PPP1R7: variants seen among roughly 807,000 people sequenced by gnomAD.
PPP1R7 encodes the protein protein phosphatase 1 regulatory subunit 7, also known as protein phosphatase 1 regulatory subunit 22.
PPP1R7 carries 18 observed loss-of-function variants against 45.2 expected under a neutral mutation model. The observed-to-expected ratio is 0.40, with a 90% CI of 0.28 to 0.59. The LOEUF (loss-of-function observed/expected upper bound fraction) is 0.59. Among genes scored for constraint, PPP1R7 ranks in the 20% least tolerant of loss-of-function variants. The pLI, the probability that PPP1R7 is intolerant of heterozygous loss-of-function variation, is 0.46. For synonymous variants in PPP1R7, 181 were observed against 183.4 expected (o/e 0.99, Z 0.11); for missense variants, 314 against 455.8 (o/e 0.69, Z 2.83).
At chr2:241,160,736 G>A (rs1235817102) in intron 6 of PPP1R7, among the ~76,000 whole-genome samples, 1 of 152,224 alleles carries the variant, frequency 6.6e-6, no homozygotes, top group East Asian at 1.9e-4. Flanking sequence ...TCTTCATCCA[G>A]ATCATGACCC....
intron 9 of PPP1R7, among the ~76,000 whole-genome samples, chr2:241,175,163 C>A (rs1574730161): frequency 6.6e-6 from 1 of 152,150 alleles, no homozygotes; most frequent in African/African-American, 2.4e-5. Context: ...CTCCCAATTT[C>A]TTTATTGTGG....
At chr2:241,156,450 C>A (rs1372078924) in intron 2 of PPP1R7, among the ~76,000 whole-genome samples, 1 of 152,192 alleles carries the variant, frequency 6.6e-6, no homozygotes, top group Non-Finnish European at 1.5e-5. Context: ...GTGGGAGGAT[C>A]ACTTGAGGCT....
chr2:241,158,489 T>G lies in PPP1R7; in HGVS notation c.243T>G (p.Val81=). 1 of 1,614,056 alleles carries G rather than the reference T, an allele frequency of 6.2e-7. No individual in the cohort carries two copies. The highest frequency in any genetic ancestry group is 8.5e-7 in the Non-Finnish European group (1 of 1,179,912). Reference sequence around the variant, plus strand: ...AGATTTCTGCTTTGTTTCAGGATGTTGATTTGAATCACTATCGCATAGGGA... The same window carrying G: ...AGATTTCTGCTTTGTTTCAGGATGTGGATTTGAATCACTATCGCATAGGGA... ...TINLDRDAED[V]DLNHYRIGKI... is the part of the protein sequence containing the mutation. The change falls in exon 4 of 10, where the codon GTT becomes GTG. Residue 81 remains valine (V), a synonymous_variant. Coordinates refer to ENST00000234038, the MANE Select transcript of PPP1R7 (RefSeq NM_002712.3).
chr2:241,160,518 G>C, intron 6 of PPP1R7, 24 bp downstream of exon 6: 1 of 1,553,400 alleles, frequency 6.4e-7, no homozygotes, highest in Non-Finnish European at 8.7e-7. Flanking sequence ...GCCCTGACTA[G>C]TATATTCAGG....
intron 7 of PPP1R7, 75 bp downstream of exon 7, chr2:241,163,476 T>C: frequency 2.0e-6 from 2 of 1,001,388 alleles, no homozygotes; most frequent in Non-Finnish European, 3.1e-6. Flanking sequence ...TCTTAGTTTT[T>C]ATCCTTCACT....
At position 241,150,548 on chromosome 2, in the gene PPP1R7, G is replaced by C. The variant is rs1352547974; in HGVS notation, c.52+1G>C. On this transcript the variant is annotated splice_donor_variant, in intron 1 of 9. Transcript: ENST00000234038. LOFTEE classifies it high-confidence loss of function. ...CAACAGTCGCAGGAGATGATGGAGG[G>C]TGAGCGGCCCCTGCGGGCGGCGGCC... 6.3e-7 allele frequency: 1 copy of C among 1,593,244 alleles called. No homozygotes were observed. The highest frequency in any genetic ancestry group is 1.4e-5 in the African/African-American group (1 of 72,512).
intron 1 of PPP1R7, among the ~76,000 whole-genome samples, chr2:241,153,120 C>A (rs997165985): frequency 6.6e-5 from 10 of 152,188 alleles, no homozygotes; most frequent in Admixed American, 1.3e-4. Flanking sequence ...ATCCCCCAGC[C>A]CAAAAGTGAA....
At chr2:241,181,030 C>T (rs112831396) in intron 9 of PPP1R7, among the ~76,000 whole-genome samples, 2,172 of 152,292 alleles carry the variant, frequency 0.014, 28 homozygotes, top group Middle Eastern at 0.031. Context: ...GAAACCCCAT[C>T]TCTACAAAAA....
chr2:241,169,983 G>A (rs146331361), intron 9 of PPP1R7, 116 bp downstream of exon 9: 42 of 835,666 alleles, frequency 5.0e-5, no homozygotes, highest in Non-Finnish European at 7.5e-5. Context: ...GAGTGACTCC[G>A]CACATCATGA....
rs878990735 is a variant in PPP1R7 at position 241,170,526 on chromosome 2, C to T, written c.906+659C>T. 1.4e-4 allele frequency among the ~76,000 whole-genome samples: 22 copies of T among 152,338 alleles called. 1 individual carries two copies. The Middle Eastern group carries it at 0.01, about 71-fold the overall frequency. The stretch of plus-strand genomic sequence containing the variant: ...AATCTCCTAAGGTTTATTGCCTTTC[C>T]GCTAGCACGTGGCCCTGCAGAGACT... On this transcript the variant is annotated intron_variant, in intron 9 of 9. Transcript: ENST00000234038.
chr2:241,158,415 C>T, intron 3 of PPP1R7, 69 bp from the exon 4 acceptor site: 1 of 1,515,454 alleles, frequency 6.6e-7, no homozygotes, highest in Non-Finnish European at 9.2e-7. Flanking sequence ...TCCAGGCCGC[C>T]TCTTCTAGGA....
At chr2:241,158,019 G>A (rs1215343314) in intron 3 of PPP1R7, among the ~76,000 whole-genome samples, 157 bp downstream of exon 3, 1 of 152,160 alleles carries the variant, frequency 6.6e-6, no homozygotes, top group African/African-American at 2.4e-5. Flanking sequence ...ACCAGTGATT[G>A]TTATCCCCAT....
At chr2:241,172,220 T>C (rs963385389) in intron 9 of PPP1R7, among the ~76,000 whole-genome samples, 3 of 152,094 alleles carry the variant, frequency 2.0e-5, no homozygotes, top group Non-Finnish European at 4.4e-5. Context: ...TGTATTAGTG[T>C]TTTCTTGTTG....
intron 9 of PPP1R7, among the ~76,000 whole-genome samples, chr2:241,181,802 C>G (rs1213887193): frequency 3.3e-5 from 5 of 152,210 alleles, no homozygotes; most frequent in Non-Finnish European, 7.4e-5. Context: ...GCTGCCTCTT[C>G]AGGAGCAGTG....
At chr2:241,150,586 G>A (rs1392085983) in intron 1 of PPP1R7, 39 bp downstream of exon 1, 2 of 1,569,212 alleles carry the variant, frequency 1.3e-6, no homozygotes, top group East Asian at 2.5e-5. Context: ...AGGGCCCAGC[G>A]GGCGGGGGGA....
In PPP1R7 at chr2:241,183,076, C is replaced by T. The variant is rs1029737845; in HGVS notation, c.*253C>T. 18 of 534,816 alleles carry T rather than the reference C, an allele frequency of 3.4e-5. No individual in the cohort carries two copies. Among genetic ancestry groups the T allele is most frequent in the African/African-American group, 1.5e-4 (8 of 52,564 alleles). The allele number at this position is 534,816 out of a possible 1,614,324, so 33.1% of individuals were successfully genotyped here. ...GTAGCCACAGAGAGAACATAAGACA[C>T]GTTGCGTTCATTCGCTAGAAATCCC... On this transcript the variant is annotated 3_prime_UTR_variant, in exon 10 of 10. Coordinates refer to ENST00000234038, the MANE Select transcript of PPP1R7 (RefSeq NM_002712.3).
intron 9 of PPP1R7, among the ~76,000 whole-genome samples, chr2:241,176,852 G>T (rs1186844891): frequency 6.6e-6 from 1 of 152,230 alleles, no homozygotes; most frequent in Admixed American, 6.5e-5. Context: ...GCTGCAACCA[G>T]CCTGTGATGG....
intron 3 of PPP1R7, 55 bp from the exon 4 acceptor site, chr2:241,158,429 C>G: frequency 6.3e-7 from 1 of 1,578,694 alleles, no homozygotes; most frequent in South Asian, 1.1e-5. Flanking sequence ...TCTAGGACGA[C>G]ACAGGTCTCC....
chr2:241,157,814 T>C lies in PPP1R7; in HGVS notation c.189T>C (p.His63=), dbSNP rs1393364283. The C allele has an allele frequency of 6.2e-7, 1 of 1,606,920 alleles. No individual in the cohort carries two copies. Among genetic ancestry groups the C allele is most frequent in the Non-Finnish European group, 8.5e-7 (1 of 1,173,596 alleles). The part of the protein sequence containing the change: ...ERGEEDPEEE[H]ELPVDMETIN... ...TTTTTCTTATTTTTTCAGAAGAACA[T>C]GAGCTGCCTGTGGACATGGAAACCA... Residue 63 remains histidine, a synonymous_variant, in exon 3 of 10, where the codon CAT becomes CAC. Transcript: ENST00000234038.
Sources: allele counts gnomAD v4.1 joint callset (sites outside exome capture counted in the v4.1 genomes callset), GRCh38; gene constraint gnomAD v4.1.1; transcripts MANE v1.5; gene names NCBI Gene and HGNC (gene_info 2026-07-23, HGNC 2026-07-21).